The following RIT2 variants were observed in gnomAD, a reference collection of about 807,000 sequenced individuals.
RIT2 encodes the protein Ras like without CAAX 2.
In RIT2, 24 loss-of-function variants were observed where a neutral mutation model predicts 23.7. The observed-to-expected ratio is 1.01, with a 90% CI of 0.73 to 1.43. The LOEUF is 1.43. Ranked by LOEUF, RIT2 falls within the 40% of genes most tolerant of loss-of-function variation. The pLI is 0.00. For missense variants in RIT2, 236 were observed against 266.9 expected, an observed-to-expected ratio of 0.88 and a Z score of 0.81; for synonymous variants, 107 against 91.1, an observed-to-expected ratio of 1.17 and a Z score of -0.99.
intron 4 of RIT2, among the ~76,000 whole-genome samples, chr18:42,886,368 G>A (rs1489208324): frequency 6.6e-6 from 1 of 152,138 alleles, no homozygotes; most frequent in Non-Finnish European, 1.5e-5. Flanking sequence ...TAAAAATTAT[G>A]CTAGACATGA....
At chr18:43,073,111 G>C (rs1912935059) in intron 1 of RIT2, among the ~76,000 whole-genome samples, 1 of 150,076 alleles carries the variant, frequency 6.7e-6, no homozygotes, top group Admixed American at 6.6e-5. Flanking sequence ...ACTCCTCAGG[G>C]GCCACAGTCC....
intron 1 of RIT2, among the ~76,000 whole-genome samples, chr18:43,045,232 T>C (rs966790455): frequency 2.0e-5 from 3 of 152,132 alleles, no homozygotes; most frequent in African/African-American, 4.8e-5. Context: ...TGGAGACAAT[T>C]ACTGGAGTCT....
At chr18:42,813,351 A>G (rs865987833) in intron 4 of RIT2, among the ~76,000 whole-genome samples, 3 of 152,298 alleles carry the variant, frequency 2.0e-5, no homozygotes, top group Middle Eastern at 3.4e-3. Context: ...AAGAAAAAGT[A>G]GTGGTGGAGT....
intron 4 of RIT2, among the ~76,000 whole-genome samples, chr18:42,871,858 A>T (rs1907629029): frequency 6.6e-6 from 1 of 152,260 alleles, no homozygotes. Flanking sequence ...TCTCTAAGTA[A>T]CAAGACTTAT....
chr18:42,959,021 C>T (rs181215377), intron 3 of RIT2, among the ~76,000 whole-genome samples: 8 of 152,256 alleles, frequency 5.3e-5, no homozygotes, highest in Non-Finnish European at 5.9e-5. Flanking sequence ...CTTAACCCTC[C>T]ATATTATGCA....
At chr18:43,001,723 T>C (rs913819690) in intron 2 of RIT2, among the ~76,000 whole-genome samples, 6 of 152,064 alleles carry the variant, frequency 3.9e-5, no homozygotes, top group Non-Finnish European at 7.4e-5. Flanking sequence ...TTAAACATAA[T>C]TTTCCTCATT....
intron 4 of RIT2, chr18:42,920,552 C>T: frequency 1.7e-6 from 1 of 597,270 alleles, no homozygotes; most frequent in South Asian, 2.1e-5. Flanking sequence ...TGAATCCTTC[C>T]ACATTAAAGC....
intron 4 of RIT2, among the ~76,000 whole-genome samples, chr18:42,771,994 T>C (rs953236146): frequency 2.6e-5 from 4 of 152,126 alleles, no homozygotes; most frequent in African/African-American, 7.2e-5. Flanking sequence ...GGTCATTGAA[T>C]AGTGATAGTG....
At chr18:42,821,264 G>T (rs1906139616) in intron 4 of RIT2, among the ~76,000 whole-genome samples, 1 of 152,030 alleles carries the variant, frequency 6.6e-6, no homozygotes, top group African/African-American at 2.4e-5. Context: ...ATAACAAAGA[G>T]GATTTGAGGA....
chr18:42,872,947 ATGAG>A (rs1331133076), intron 4 of RIT2, among the ~76,000 whole-genome samples: 1 of 152,206 alleles, frequency 6.6e-6, no homozygotes, highest in Non-Finnish European at 1.5e-5. Context: ...ATGTATAACA[ATGAG>A]TATCACCAGA....
rs564426639 is a variant in RIT2 at position 43,094,150 on chromosome 18, T to G, written c.103+21267A>C. Among the ~76,000 whole-genome samples the G allele has an allele frequency of 1.6e-4, 22 of 134,564 alleles. 1 individual carries two copies. In the South Asian group the frequency reaches 5.0e-3, roughly 31 times the overall value. 88.3% of individuals were successfully genotyped at this position (134,564 alleles called of 152,430 possible). On this transcript the variant is annotated intron_variant, in intron 1 of 4. Transcript: ENST00000326695. ...TTTTTTTTTTTTTTTTCACTTTGCC[T>G]CAGGCTCCAATATGATTCGGCATGG...
At chr18:42,922,864 G>A (rs894153819) in intron 4 of RIT2, among the ~76,000 whole-genome samples, 1 of 152,104 alleles carries the variant, frequency 6.6e-6, no homozygotes, top group African/African-American at 2.4e-5. Flanking sequence ...GTATATAAGA[G>A]TAATTTCTGA....
intron 1 of RIT2, among the ~76,000 whole-genome samples, chr18:43,097,728 C>G (rs1367566421): frequency 6.6e-6 from 1 of 151,888 alleles, no homozygotes; most frequent in African/African-American, 2.4e-5. Context: ...ATCCACCAGA[C>G]AGCTTTTAAA....
chr18:42,743,442 T>C lies in RIT2; in HGVS notation c.*51A>G. ...TTGAAGCAGAATGCTACATATGGAA[T>C]TGTCCAACTAATAAAATTCAGAGAG... On this transcript the variant is annotated 3_prime_UTR_variant, in exon 5 of 5. Transcript: ENST00000326695. 1 of 1,268,154 alleles carries C rather than the reference T, an allele frequency of 7.9e-7. No homozygotes were observed. The highest frequency in any genetic ancestry group is 1.1e-6 in the Non-Finnish European group (1 of 871,184). 78.6% of individuals were successfully genotyped at this position (1,268,154 alleles called of 1,614,324 possible).
intron 2 of RIT2, among the ~76,000 whole-genome samples, chr18:43,029,016 T>C (rs1200295864): frequency 6.6e-6 from 1 of 152,108 alleles, no homozygotes; most frequent in Non-Finnish European, 1.5e-5. Flanking sequence ...TAACAGCCAT[T>C]GAGCACGAGG....
At chr18:43,071,819 A>G (rs965729067) in intron 1 of RIT2, among the ~76,000 whole-genome samples, 1 of 152,202 alleles carries the variant, frequency 6.6e-6, no homozygotes, top group Non-Finnish European at 1.5e-5. Context: ...TATAGATTTC[A>G]TCAGACTCTC....
At chr18:42,998,921 C>T (rs73951787) in intron 2 of RIT2, among the ~76,000 whole-genome samples, 3 of 151,906 alleles carry the variant, frequency 2.0e-5, no homozygotes, top group East Asian at 1.9e-4. Context: ...CAGATGATTG[C>T]GAACCAGGTT....
intron 4 of RIT2, among the ~76,000 whole-genome samples, chr18:42,763,341 A>G (rs1369757874): frequency 2.6e-5 from 4 of 152,060 alleles, no homozygotes; most frequent in Non-Finnish European, 2.9e-5. Flanking sequence ...AGGCCCCTGT[A>G]GTCCCAGCTA....
chr18:42,970,201 C>G (rs111284445), intron 3 of RIT2, among the ~76,000 whole-genome samples: 4,897 of 151,622 alleles, frequency 0.032, 258 homozygotes, highest in African/African-American at 0.11. Context: ...GGAGATAGAT[C>G]TGGAACCAAT....
Sources: gnomAD v4.1 joint callset for allele counts (sites outside exome capture counted in the v4.1 genomes callset) on GRCh38, gnomAD v4.1.1 for gene constraint, MANE v1.5 for transcripts, NCBI Gene and HGNC (gene_info 2026-07-23, HGNC 2026-07-21) for gene names.